Variants in UGT2B11 observed in about 807,000 individuals in gnomAD.
UGT2B11 encodes UDP-glucuronosyltransferase 2B11.
Under a neutral mutation model 51.7 loss-of-function variants are expected in UGT2B11, and 49 were observed. That is an observed-to-expected ratio of 0.95 (90% confidence interval 0.75 to 1.20). UGT2B11 has a LOEUF of 1.20. Among genes scored for constraint, UGT2B11 ranks in the 50% most tolerant of loss-of-function variants. UGT2B11 has a pLI of 0.00. For missense variants in UGT2B11, 810 were observed against 622.1 expected, an observed-to-expected ratio of 1.30 and a Z score of -3.21; for synonymous variants, 273 against 209.0, an observed-to-expected ratio of 1.31 and a Z score of -2.64.
rs771937513 is a variant in UGT2B11, at chr4:69,208,370, AG to A, written c.982del (p.Ala329ProfsTer19). On this transcript the variant is annotated frameshift_variant, in exon 3 of 6. Coordinates refer to ENST00000446444, the MANE Select transcript of UGT2B11 (RefSeq NM_001073.3). LOFTEE classifies it high-confidence loss of function. ...AERANVIATA[L>X]AKIPQKVLWR... ...TCTTACCTTTTGTGGGATCTTGGCA[AG>A]GGCTGTTGCAATTACATTGGCCCTT... is the stretch of plus-strand genomic sequence containing the variant. 8.1e-6 allele frequency: 13 copies of A among 1,611,016 alleles called. No individual in the cohort carries two copies. The East Asian group carries it at 2.9e-4, about 36-fold the overall frequency.
upstream of UGT2B11, among the ~76,000 whole-genome samples, chr4:69,218,963 G>T (rs151143739): frequency 3.1e-3 from 474 of 152,210 alleles, 3 homozygotes; most frequent in Admixed American, 0.012. Flanking sequence ...TATAGTGAGA[G>T]GGAGCTGTCT....
chr4:69,212,579 T>C lies in UGT2B11; in HGVS notation c.864A>G (p.Leu288=). ...CCAACAAAAGTATGTTTACCTTAGG[T>C]AGGGGTTTGGCAGGTTTGCAGTGGA... ...GGFHCKPAKP[L]PKEMEEFVQS... is the part of the protein sequence containing the mutation. The change falls in exon 2 of 6, where the codon CTA becomes CTG. Residue 288 remains leucine, a synonymous_variant. Coordinates refer to ENST00000446444, the MANE Select transcript of UGT2B11 (RefSeq NM_001073.3). The C allele has an allele frequency of 1.9e-6, 3 of 1,607,114 alleles. No homozygotes were observed. The highest frequency in any genetic ancestry group is 2.7e-5 in the African/African-American group (2 of 74,400).
upstream of UGT2B11, chr4:69,216,794 A>C (rs907689729): frequency 1.3e-5 from 2 of 151,526 alleles, no homozygotes; most frequent in African/African-American, 4.9e-5. Flanking sequence ...GTGAATAATA[A>C]ATTTCATTCT....
rs1577958028 is a variant in UGT2B11, at chr4:69,200,726, G to T, written c.1311-7C>A. The T allele has an allele frequency of 1.9e-6, 3 of 1,602,518 alleles. No individual in the cohort carries two copies. In the East Asian group the frequency reaches 6.7e-5, roughly 36 times the overall value. On this transcript the variant is annotated splice_region_variant and splice_polypyrimidine_tract_variant and intron_variant, in intron 5 of 5. Coordinates refer to ENST00000446444, the MANE Select transcript of UGT2B11 (RefSeq NM_001073.3). ...CATAATATTCTCTTTATATCTGAAG[G>T]ATAAAAATAAGGATACCAACACTGA...
the UGT2B11 span, among the ~76,000 whole-genome samples, chr4:69,223,320 C>T: frequency 1.1e-4 from 17 of 152,156 alleles, no homozygotes; most frequent in East Asian, 1.5e-3. Flanking sequence ...ATGCCCGCAC[C>T]GCTGGTTATT....
upstream of UGT2B11, chr4:69,214,756 T>C (rs574456812): frequency 8.1e-6 from 13 of 1,597,974 alleles, no homozygotes; most frequent in South Asian, 1.4e-4. Context: ...TTCCAGTCAC[T>C]GTTTCTTTCT....
At chr4:69,211,600 T>C (rs1426033711) in intron 2 of UGT2B11, among the ~76,000 whole-genome samples, 1 of 151,524 alleles carries the variant, frequency 6.6e-6, no homozygotes, top group Non-Finnish European at 1.5e-5. Flanking sequence ...TTAAGTGTTT[T>C]GTCTGTTTTA....
upstream of UGT2B11, among the ~76,000 whole-genome samples, chr4:69,219,742 G>A (rs925901650): frequency 6.6e-6 from 1 of 152,098 alleles, no homozygotes; most frequent in African/African-American, 2.4e-5. Context: ...GGAATAGCAT[G>A]GGAAAAATGC....
At chr4:69,208,119 C>T (rs1488122006) in intron 3 of UGT2B11, among the ~76,000 whole-genome samples, 1 of 151,502 alleles carries the variant, frequency 6.6e-6, no homozygotes, top group Non-Finnish European at 1.5e-5. Flanking sequence ...CCCACTGATA[C>T]TAATAGGAGC....
intron 4 of UGT2B11, among the ~76,000 whole-genome samples, chr4:69,204,949 G>T (rs983025516): frequency 2.0e-4 from 31 of 151,796 alleles, no homozygotes; most frequent in African/African-American, 7.2e-4. Flanking sequence ...ATGAAATAAA[G>T]TTTTATTTTA....
chr4:69,205,108 A>T (rs1721800392), intron 4 of UGT2B11, among the ~76,000 whole-genome samples: 2 of 151,668 alleles, frequency 1.3e-5, no homozygotes, highest in African/African-American at 4.8e-5. Context: ...GTCCTCCAGA[A>T]AATACAGAGT....
At chr4:69,220,227 T>TA in the UGT2B11 span, among the ~76,000 whole-genome samples, 13 of 148,270 alleles carry the variant, frequency 8.8e-5, no homozygotes, top group African/African-American at 3.3e-4. Context: ...GTCACACTGA[T>TA]ATAAGCGGTG....
chr4:69,213,052 AAAC>A (rs917848153), intron 1 of UGT2B11, among the ~76,000 whole-genome samples: 5 of 151,550 alleles, frequency 3.3e-5, no homozygotes, highest in African/African-American at 1.2e-4. Context: ...ATAGATATTT[AAAC>A]AACTCTTTGA....
the UGT2B11 span, among the ~76,000 whole-genome samples, chr4:69,221,461 C>A: frequency 4.6e-5 from 7 of 152,200 alleles, no homozygotes; most frequent in Non-Finnish European, 1.0e-4. Flanking sequence ...AATTGTCCTT[C>A]TAAGGCCCAG....
In UGT2B11 at chr4:69,214,207, G is replaced by A. The variant is rs780231734; in HGVS notation, c.516C>T (p.Leu172=). ...CAATTGTGTAGCCAGGAGTAAAGCGGAGACTGTACACAAACCGTATGTTAA... is the reference window on the plus strand; with the variant it reads ...CAATTGTGTAGCCAGGAGTAAAGCGAAGACTGTACACAAACCGTATGTTAA... ...ALLNIRFVYS[L]RFTPGYTIER... is the part of the protein sequence containing the mutation. The change falls in exon 1 of 6, where the codon CTC becomes CTT. Residue 172 remains leucine (L), a synonymous_variant. Coordinates refer to ENST00000446444, the MANE Select transcript of UGT2B11 (RefSeq NM_001073.3). 5 of 1,613,132 alleles carry A rather than the reference G, an allele frequency of 3.1e-6. No individual in the cohort carries two copies. Among genetic ancestry groups the A allele is most frequent in the Non-Finnish European group, 4.2e-6 (5 of 1,179,446 alleles).
At chr4:69,219,796 AGC>A in the UGT2B11 span, among the ~76,000 whole-genome samples, 2 of 152,196 alleles carry the variant, frequency 1.3e-5, no homozygotes, top group Non-Finnish European at 2.9e-5. Context: ...CTCCCACAAC[AGC>A]TGGGAATTAT....
chr4:69,214,152 G>T lies in UGT2B11; in HGVS notation c.571C>A (p.Pro191Thr). The T allele has an allele frequency of 1.9e-6, 3 of 1,612,724 alleles. No individual in the cohort carries two copies. The highest frequency in any genetic ancestry group is 2.5e-6 in the Non-Finnish European group (3 of 1,179,248). ...GACATAACAATAGGTATGTAGGAAG[G>T]AGGGAAAATCAGTCCTCCACTGTGC... ...ERHSGGLIFP[P>T]SYIPIVMSKL... Residue 191 changes from proline (P) to threonine (T), a missense_variant, in exon 1 of 6, where the codon CCT (proline) becomes ACT (threonine). Pro to Thr is a conservative substitution (Grantham distance 38). Coordinates refer to ENST00000446444, the MANE Select transcript of UGT2B11 (RefSeq NM_001073.3).
At chr4:69,224,030 T>C in the UGT2B11 span, among the ~76,000 whole-genome samples, 1 of 152,260 alleles carries the variant, frequency 6.6e-6, no homozygotes, top group East Asian at 1.9e-4. Context: ...TGGGGAACCA[T>C]ACACTATGGT....
chr4:69,214,486 T>C lies in UGT2B11; in HGVS notation c.237A>G (p.Thr79=). 2 of 1,613,248 alleles carry C rather than the reference T, an allele frequency of 1.2e-6. No homozygotes were observed. The highest frequency in any genetic ancestry group is 1.7e-6 in the Non-Finnish European group (2 of 1,179,516). The change falls in exon 1 of 6, where the codon ACA becomes ACG. Residue 79 remains threonine, a synonymous_variant. Coordinates refer to ENST00000446444, the MANE Select transcript of UGT2B11 (RefSeq NM_001073.3). ...ASTLKFEVYP[T]SLTKTEFENI... ...TCTCAAATTCAGTTTTAGTTAAAGATGTAGGATAAACTTCAAATTTAAGAG... is the reference window on the plus strand; with the variant it reads ...TCTCAAATTCAGTTTTAGTTAAAGACGTAGGATAAACTTCAAATTTAAGAG...
Sources: allele counts gnomAD v4.1 joint callset (sites outside exome capture counted in the v4.1 genomes callset), GRCh38; gene constraint gnomAD v4.1.1; transcripts MANE v1.5; gene names NCBI Gene and HGNC (gene_info 2026-07-23, HGNC 2026-07-21).